MYO9A: variants seen among roughly 807,000 people sequenced by gnomAD.
The protein encoded by MYO9A is unconventional myosin-IXa.
In MYO9A, 103 loss-of-function variants were observed where a neutral mutation model predicts 293.3. The ratio of observed to expected loss-of-function variants is 0.35; its 90% CI spans 0.30 to 0.41. MYO9A has a LOEUF of 0.41. Among genes scored for constraint, MYO9A ranks in the 10% least tolerant of loss-of-function variants. The pLI is 1.00. For synonymous variants in MYO9A, 1,001 were observed against 1,035.7 expected (o/e 0.97, Z 0.64); for missense variants, 2,685 against 3,033.0 (o/e 0.89, Z 2.69).
At chr15:72,118,311 G>A, upstream of MYO9A, 1 of 232,148 alleles carries the variant, frequency 4.3e-6, no homozygotes, top group Non-Finnish European at 8.3e-6. Flanking sequence ...TCACCTTACG[G>A]CAGAGCAGGG....
At chr15:72,020,379 A>C (rs1222165056) in intron 5 of MYO9A, among the ~76,000 whole-genome samples, 2 of 152,178 alleles carry the variant, frequency 1.3e-5, no homozygotes, top group Non-Finnish European at 2.9e-5. Flanking sequence ...TTTTGAGGAA[A>C]GATCCAAATT....
rs146921657 is a variant in MYO9A, at chr15:72,017,163, G to A, written c.1155+1876C>T. 3.4e-3 allele frequency among the ~76,000 whole-genome samples: 520 copies of A among 151,942 alleles called. 3 individuals carry two copies. Among genetic ancestry groups the A allele is most frequent in the African/African-American group, 0.011 (467 of 41,450 alleles). ...AGCCTCCTGAGTAGCTGGAACTACAGGCGTGTATCACTATACCTGGCTTAA... is the reference window on the plus strand; with the variant it reads ...AGCCTCCTGAGTAGCTGGAACTACAAGCGTGTATCACTATACCTGGCTTAA... On this transcript the variant is annotated intron_variant, in intron 6 of 41. Transcript: ENST00000356056.
At chr15:71,868,136 C>T (rs1174182388) in intron 32 of MYO9A, among the ~76,000 whole-genome samples, 1 of 152,166 alleles carries the variant, frequency 6.6e-6, no homozygotes, top group African/African-American at 2.4e-5. Context: ...CTTCTGGATG[C>T]TCTGTGGAAC....
chr15:71,892,377 G>C (rs184023291), intron 26 of MYO9A: 200 of 152,320 alleles, frequency 1.3e-3, no homozygotes, highest in African/African-American at 4.5e-3. Context: ...GGAAAGTGAG[G>C]TGGAGGAAGA....
intron 18 of MYO9A, among the ~76,000 whole-genome samples, chr15:71,924,091 C>T (rs2058226413): frequency 1.3e-5 from 2 of 151,848 alleles, no homozygotes; most frequent in Non-Finnish European, 2.9e-5. Flanking sequence ...CTTTTAGTAT[C>T]TCCTTTGACT....
intron 12 of MYO9A, among the ~76,000 whole-genome samples, chr15:71,968,498 GA>G (rs1326717199): frequency 1.3e-5 from 2 of 152,100 alleles, no homozygotes; most frequent in Non-Finnish European, 2.9e-5. Context: ...TTCCAAATAA[GA>G]GAATAATATC....
At chr15:72,011,930 CAT>C (rs1278944345) in intron 6 of MYO9A, among the ~76,000 whole-genome samples, 1 of 152,082 alleles carries the variant, frequency 6.6e-6, no homozygotes, top group Non-Finnish European at 1.5e-5. Context: ...TAGGTAAATA[CAT>C]AGTCATTGAA....
At chr15:72,042,528 T>C (rs1272264430) in intron 2 of MYO9A, among the ~76,000 whole-genome samples, 1 of 152,030 alleles carries the variant, frequency 6.6e-6, no homozygotes, top group Non-Finnish European at 1.5e-5. Flanking sequence ...ACAGAGAATT[T>C]ACAAAAAACC....
intron 1 of MYO9A, among the ~76,000 whole-genome samples, chr15:72,079,495 A>T (rs759724980): frequency 6.6e-6 from 1 of 152,222 alleles, no homozygotes; most frequent in Non-Finnish European, 1.5e-5. Context: ...AAAAGGATAC[A>T]GTATAATATG....
chr15:71,858,381 G>A (rs982724622), intron 34 of MYO9A, among the ~76,000 whole-genome samples: 1 of 152,108 alleles, frequency 6.6e-6, no homozygotes, highest in African/African-American at 2.4e-5. Flanking sequence ...TGATAGACTG[G>A]ATTAAGAAAA....
At chr15:72,108,879 C>T (rs1315776330) in intron 1 of MYO9A, among the ~76,000 whole-genome samples, 1 of 151,580 alleles carries the variant, frequency 6.6e-6, no homozygotes, top group East Asian at 2.0e-4. Context: ...TCTCCTGCCT[C>T]AGTCTCCCGA....
At chr15:72,055,163 A>C (rs1358958610) in intron 1 of MYO9A, among the ~76,000 whole-genome samples, 1 of 152,238 alleles carries the variant, frequency 6.6e-6, no homozygotes, top group Non-Finnish European at 1.5e-5. Context: ...GTGCGTGCCC[A>C]TAGTCATAGC....
intron 1 of MYO9A, among the ~76,000 whole-genome samples, chr15:72,071,893 T>C (rs2079202246): frequency 6.6e-6 from 1 of 151,654 alleles, no homozygotes; most frequent in African/African-American, 2.4e-5. Flanking sequence ...CAAAGGAAAA[T>C]AAATTTTTCT....
chr15:72,005,428 T>TA (rs199561243), intron 8 of MYO9A, among the ~76,000 whole-genome samples: 1,696 of 152,312 alleles, frequency 0.011, 30 homozygotes, highest in African/African-American at 0.039. Flanking sequence ...CTGCCTAGAC[T>TA]TATAAGTAAG....
intron 11 of MYO9A, among the ~76,000 whole-genome samples, chr15:71,990,488 G>C (rs2076512247): frequency 6.6e-6 from 1 of 152,116 alleles, no homozygotes; most frequent in Admixed American, 6.5e-5. Context: ...GGGCGCAGTG[G>C]CTCACATCTA....
chr15:71,907,806 G>C (rs2057712967), intron 19 of MYO9A, among the ~76,000 whole-genome samples: 1 of 151,976 alleles, frequency 6.6e-6, no homozygotes, highest in African/African-American at 2.4e-5. Flanking sequence ...TTTTTTTCTT[G>C]TAAATGTGTT....
chr15:72,064,533 G>C (rs909668545), intron 1 of MYO9A, among the ~76,000 whole-genome samples: 1 of 152,184 alleles, frequency 6.6e-6, no homozygotes, highest in South Asian at 2.1e-4. Flanking sequence ...ACTCTCTGGA[G>C]TTAACGGAAA....
intron 8 of MYO9A, among the ~76,000 whole-genome samples, chr15:72,007,516 T>C (rs2077050693): frequency 6.6e-6 from 1 of 152,150 alleles, no homozygotes; most frequent in South Asian, 2.1e-4. Flanking sequence ...AAAATTAGCA[T>C]AGTCCCAGAA....
intron 15 of MYO9A, among the ~76,000 whole-genome samples, chr15:71,949,718 C>G (rs1271198595): frequency 6.6e-6 from 1 of 150,978 alleles, no homozygotes; most frequent in Non-Finnish European, 1.5e-5. Flanking sequence ...CAGCAGTCGC[C>G]AGGGATATGG....
Sources: gnomAD v4.1 joint callset for allele counts (sites outside exome capture counted in the v4.1 genomes callset) on GRCh38, gnomAD v4.1.1 for gene constraint, MANE v1.5 for transcripts, NCBI Gene and HGNC (gene_info 2026-07-23, HGNC 2026-07-21) for gene names.